Variants in NEGR1 observed in about 807,000 individuals in gnomAD.
NEGR1 encodes IgLON family member 4.
In NEGR1, 10 loss-of-function variants were observed where a neutral mutation model predicts 40.9. That is an observed-to-expected ratio of 0.24 (90% CI 0.15 to 0.42). The LOEUF (loss-of-function observed/expected upper bound fraction) is 0.42, where lower values mean the gene tolerates loss of function less well. NEGR1 is among the 10% of genes least tolerant of loss of function. The pLI, the probability that NEGR1 is intolerant of heterozygous loss-of-function variation, is 1.00. For missense variants in NEGR1, 352 were observed against 438.9 expected, an observed-to-expected ratio of 0.80 and a Z score of 1.77; for synonymous variants, 185 against 166.8, an observed-to-expected ratio of 1.11 and a Z score of -0.84.
chr1:71,664,607 A>G (rs1228085809), intron 4 of NEGR1, among the ~76,000 whole-genome samples: 1 of 152,146 alleles, frequency 6.6e-6, no homozygotes. Flanking sequence ...TAAAATAAAT[A>G]ATATTAAATC....
At chr1:71,898,964 C>CATATATATATATATAGCATATATATATAT (rs1365883708) in intron 2 of NEGR1, among the ~76,000 whole-genome samples, 3 of 95,934 alleles carry the variant, frequency 3.1e-5, no homozygotes, top group African/African-American at 1.0e-4. Context: ...ATATATATAG[C>CATATATATATATATAGCATATATATATAT]ATATATATAT....
At chr1:72,138,003 G>A (rs1349748849) in intron 1 of NEGR1, among the ~76,000 whole-genome samples, 1 of 151,884 alleles carries the variant, frequency 6.6e-6, no homozygotes, top group Admixed American at 6.6e-5. Flanking sequence ...TTCAGACACA[G>A]AAAGGCTGAA....
chr1:71,706,151 G>A (rs1653890908), intron 3 of NEGR1, among the ~76,000 whole-genome samples: 1 of 152,230 alleles, frequency 6.6e-6, no homozygotes, highest in African/African-American at 2.4e-5. Context: ...GCTGTGCGGT[G>A]CACAGAGCAT....
At chr1:72,268,074 G>A (rs934240337) in intron 1 of NEGR1, among the ~76,000 whole-genome samples, 10 of 151,292 alleles carry the variant, frequency 6.6e-5, no homozygotes, top group Non-Finnish European at 3.0e-5. Context: ...GTATCAGAAA[G>A]CTGTCTTGAA....
At chr1:72,047,304 T>C (rs547113639) in intron 1 of NEGR1, among the ~76,000 whole-genome samples, 2 of 151,544 alleles carry the variant, frequency 1.3e-5, no homozygotes, top group East Asian at 1.9e-4. Flanking sequence ...GAGAGTCTCC[T>C]GTCATGCAGC....
chr1:71,947,794 A>G (rs1237981490), intron 1 of NEGR1, among the ~76,000 whole-genome samples: 1 of 151,890 alleles, frequency 6.6e-6, no homozygotes, highest in African/African-American at 2.4e-5. Flanking sequence ...AAAAATATGG[A>G]AATTAATGAT....
chr1:71,750,118 C>T (rs1273290617), intron 3 of NEGR1, among the ~76,000 whole-genome samples: 2 of 151,880 alleles, frequency 1.3e-5, no homozygotes, highest in Non-Finnish European at 2.9e-5. Context: ...CTCAGCCTCC[C>T]GAGTAGCTGG....
chr1:72,103,698 TTCTC>T (rs1649028187), intron 1 of NEGR1, among the ~76,000 whole-genome samples: 1 of 152,056 alleles, frequency 6.6e-6, no homozygotes, highest in African/African-American at 2.4e-5. Flanking sequence ...AGTGGTTAGT[TTCTC>T]TCTATTTCTC....
chr1:72,134,133 T>C (rs973453485), intron 1 of NEGR1, among the ~76,000 whole-genome samples: 2 of 152,108 alleles, frequency 1.3e-5, no homozygotes, highest in African/African-American at 2.4e-5. Flanking sequence ...GAAAGATGTA[T>C]TTAAGTATTA....
intron 1 of NEGR1, among the ~76,000 whole-genome samples, chr1:72,088,374 T>G (rs1648307415): frequency 6.6e-6 from 1 of 152,164 alleles, no homozygotes; most frequent in East Asian, 1.9e-4. Flanking sequence ...AAAACTAAAC[T>G]TAAAAATTTA....
At chr1:72,134,644 CTTTTT>C (rs57127142) in intron 1 of NEGR1, among the ~76,000 whole-genome samples, 32,997 of 146,414 alleles carry the variant, frequency 0.23, 4,255 homozygotes, top group Non-Finnish European at 0.3. Flanking sequence ...TAGAGGTTTC[CTTTTT>C]TTTTTTTTTT....
intron 1 of NEGR1, among the ~76,000 whole-genome samples, chr1:71,965,935 G>C (rs576130447): frequency 4.9e-4 from 75 of 152,248 alleles, no homozygotes; most frequent in African/African-American, 1.7e-3. Context: ...TCCCAAACTT[G>C]TGGAGTGTGC....
At chr1:71,884,328 T>C (rs1355517566) in intron 2 of NEGR1, among the ~76,000 whole-genome samples, 1 of 152,178 alleles carries the variant, frequency 6.6e-6, no homozygotes, top group African/African-American at 2.4e-5. Flanking sequence ...CATATATCAT[T>C]CATTGTGACT....
chr1:71,956,324 A>G (rs1045172343), intron 1 of NEGR1, among the ~76,000 whole-genome samples: 1 of 152,176 alleles, frequency 6.6e-6, no homozygotes, highest in African/African-American at 2.4e-5. Context: ...CGTGATTATT[A>G]ATGACACAAA....
intron 6 of NEGR1, among the ~76,000 whole-genome samples, chr1:71,528,280 C>T (rs1001704093): frequency 6.0e-5 from 9 of 151,126 alleles, no homozygotes; most frequent in Admixed American, 4.6e-4. Flanking sequence ...TGAAGATTTC[C>T]CCCAGGCAAA....
chr1:72,007,550 T>C (rs780621214), intron 1 of NEGR1, among the ~76,000 whole-genome samples: 1 of 152,168 alleles, frequency 6.6e-6, no homozygotes, highest in African/African-American at 2.4e-5. Flanking sequence ...CATTACTCAC[T>C]GTCTTATGGC....
chr1:71,967,826 G>A (rs541637793), intron 1 of NEGR1, among the ~76,000 whole-genome samples: 1 of 152,212 alleles, frequency 6.6e-6, no homozygotes, highest in East Asian at 1.9e-4. Context: ...TTTTCTGAAA[G>A]CCACATGACT....
intron 1 of NEGR1, among the ~76,000 whole-genome samples, chr1:72,056,059 T>C (rs1647107351): frequency 6.6e-6 from 1 of 151,088 alleles, no homozygotes; most frequent in African/African-American, 2.4e-5. Context: ...TCTTGCCAAA[T>C]TGGTAAATCA....
At chr1:72,175,042 G>C (rs1168391630) in intron 1 of NEGR1, among the ~76,000 whole-genome samples, 1 of 151,912 alleles carries the variant, frequency 6.6e-6, no homozygotes, top group Non-Finnish European at 1.5e-5. Flanking sequence ...ATGTATACAT[G>C]TGCCATGCTG....
Sources: gnomAD v4.1 joint callset for allele counts (sites outside exome capture counted in the v4.1 genomes callset) on GRCh38, gnomAD v4.1.1 for gene constraint, MANE v1.5 for transcripts, NCBI Gene and HGNC (gene_info 2026-07-23, HGNC 2026-07-21) for gene names.